Variants in CA10 observed in about 807,000 individuals in gnomAD.
CA10 encodes the protein carbonic anhydrase 10 (inactive), also known as carbonic anhydrase-related protein 10.
In CA10, 14 loss-of-function variants were observed where a neutral mutation model predicts 44.2. That is an observed-to-expected ratio of 0.32 (90% CI 0.21 to 0.50). The LOEUF (loss-of-function observed/expected upper bound fraction) is 0.50. CA10 is among the 20% of genes least tolerant of loss of function. The pLI, the probability that CA10 is intolerant of heterozygous loss-of-function variation, is 0.99. For synonymous variants in CA10, 159 were observed against 141.6 expected, an observed-to-expected ratio of 1.12 and a Z score of -0.87; for missense variants, 350 against 409.7, an observed-to-expected ratio of 0.85 and a Z score of 1.26.
intron 3 of CA10, among the ~76,000 whole-genome samples, chr17:51,930,001 G>T (rs995279439): frequency 6.6e-6 from 1 of 152,144 alleles, no homozygotes; most frequent in South Asian, 2.1e-4. Context: ...CATTAGGGGT[G>T]TGTGTATCTG....
intron 3 of CA10, among the ~76,000 whole-genome samples, chr17:51,881,879 A>T (rs61421035): frequency 0.11 from 16,424 of 152,170 alleles, 2,128 homozygotes; most frequent in African/African-American, 0.31. Context: ...ACTACAAGTT[A>T]GTGAGTTTTT....
At position 52,036,308 on chromosome 17, in the gene CA10, A is replaced by T. The variant is rs529687060; in HGVS notation, c.136+36011T>A. ...CTTGTTTATTTTAAAATAACATATA[A>T]AGTTACAACTGTATCCTGGGTGCTG... On this transcript the variant is annotated intron_variant, in intron 2 of 8. Coordinates refer to ENST00000451037, the MANE Select transcript of CA10 (RefSeq NM_020178.5). 2.0e-4 allele frequency among the ~76,000 whole-genome samples: 31 copies of T among 152,328 alleles called. 1 individual carries two copies. Among genetic ancestry groups the T allele is most frequent in the African/African-American group, 5.8e-4 (24 of 41,572 alleles).
At chr17:52,158,880 C>G (rs1989880878), upstream of CA10, among the ~76,000 whole-genome samples, 1 of 152,086 alleles carries the variant, frequency 6.6e-6, no homozygotes, top group Non-Finnish European at 1.5e-5. Context: ...GCCCGGCACC[C>G]GGGGGCGGAG....
intron 2 of CA10, among the ~76,000 whole-genome samples, chr17:51,974,274 C>T (rs547823558): frequency 6.6e-6 from 1 of 151,364 alleles, no homozygotes; most frequent in African/African-American, 2.4e-5. Flanking sequence ...ATCCCAGCTA[C>T]TTGGGAGGCT....
At chr17:51,802,900 C>T (rs1167866551) in intron 3 of CA10, among the ~76,000 whole-genome samples, 1 of 152,142 alleles carries the variant, frequency 6.6e-6, no homozygotes, top group East Asian at 1.9e-4. Context: ...TTTAAGTGCC[C>T]CATTTCTTTC....
intron 6 of CA10, among the ~76,000 whole-genome samples, chr17:51,646,674 T>G (rs565694865): frequency 6.6e-6 from 1 of 152,292 alleles, no homozygotes; most frequent in East Asian, 1.9e-4. Context: ...CCACTGGCTG[T>G]GTTCTAGTGA....
intron 1 of CA10, among the ~76,000 whole-genome samples, chr17:52,103,035 T>C (rs543226547): frequency 1.3e-4 from 20 of 152,098 alleles, no homozygotes; most frequent in Non-Finnish European, 2.2e-4. Flanking sequence ...TGTCCTTGGG[T>C]TTACACTTTT....
At chr17:52,017,930 C>A (rs1207254053) in intron 2 of CA10, among the ~76,000 whole-genome samples, 1 of 152,162 alleles carries the variant, frequency 6.6e-6, no homozygotes, top group Non-Finnish European at 1.5e-5. Context: ...CTCCCCACTT[C>A]CTGGCTGCGG....
At chr17:52,097,961 G>A (rs75616202) in intron 1 of CA10, among the ~76,000 whole-genome samples, 2,908 of 152,120 alleles carry the variant, frequency 0.019, 89 homozygotes, top group African/African-American at 0.064. Flanking sequence ...TCTTTCCCCC[G>A]TCACCTGGCC....
At chr17:51,866,682 G>T (rs780933547) in intron 3 of CA10, among the ~76,000 whole-genome samples, 1 of 152,120 alleles carries the variant, frequency 6.6e-6, no homozygotes, top group Non-Finnish European at 1.5e-5. Flanking sequence ...AGGTGACAGG[G>T]CTTCCTTACC....
chr17:51,680,691 A>C (rs551145582), intron 4 of CA10, among the ~76,000 whole-genome samples: 1 of 152,310 alleles, frequency 6.6e-6, no homozygotes, highest in Non-Finnish European at 1.5e-5. Flanking sequence ...GATGCAGAAG[A>C]CTATAGTTCT....
At chr17:51,762,044 A>G (rs965008312) in intron 3 of CA10, 4 of 152,242 alleles carry the variant, frequency 2.6e-5, no homozygotes, top group Non-Finnish European at 5.9e-5. Flanking sequence ...TATCACTACC[A>G]TCTACAGAGC....
chr17:52,138,631 T>A (rs1989410332), intron 1 of CA10, among the ~76,000 whole-genome samples: 1 of 152,098 alleles, frequency 6.6e-6, no homozygotes, highest in Admixed American at 6.5e-5. Context: ...TCTGGTGAGG[T>A]TGGTAGCAGC....
intron 4 of CA10, among the ~76,000 whole-genome samples, chr17:51,667,943 G>A (rs1215658605): frequency 6.6e-6 from 1 of 152,212 alleles, no homozygotes; most frequent in African/African-American, 2.4e-5. Flanking sequence ...GTGTGTATGT[G>A]AGAGCACTGT....
chr17:51,710,921 CTTTTTTTTTTTTTT>C (rs55854155), intron 4 of CA10, among the ~76,000 whole-genome samples: 1 of 84,472 alleles, frequency 1.2e-5, no homozygotes, highest in African/African-American at 4.7e-5. Context: ...CAACATTTTG[CTTTTTTTTTTTTTT>C]TTTTTTTTTG....
chr17:52,122,187 G>C (rs1214512983), intron 1 of CA10, among the ~76,000 whole-genome samples: 1 of 152,168 alleles, frequency 6.6e-6, no homozygotes, highest in Non-Finnish European at 1.5e-5. Context: ...ATGGAAGTTA[G>C]GCAGGTAAGG....
rs550214049 is a variant in CA10, at chr17:52,051,867, C to T, written c.136+20452G>A. ...AGAACTAGTCACAATAGCAAAGACA[C>T]GGAATCAACCTAAATGCCCATCAAT... On this transcript the variant is annotated intron_variant, in intron 2 of 8. Coordinates refer to ENST00000451037, the MANE Select transcript of CA10 (RefSeq NM_020178.5). Among the ~76,000 whole-genome samples the T allele has an allele frequency of 5.3e-5, 8 of 151,968 alleles. No individual in the cohort carries two copies. In the East Asian group the frequency reaches 9.7e-4, roughly 18 times the overall value.
intron 3 of CA10, among the ~76,000 whole-genome samples, chr17:51,916,920 A>G (rs1982022775): frequency 6.6e-6 from 1 of 152,122 alleles, no homozygotes; most frequent in African/African-American, 2.4e-5. Context: ...CGATATGAAT[A>G]TTTGTAACTA....
At chr17:52,107,083 G>A (rs539880573) in intron 1 of CA10, among the ~76,000 whole-genome samples, 13 of 152,282 alleles carry the variant, frequency 8.5e-5, no homozygotes, top group African/African-American at 3.1e-4. Flanking sequence ...CCAGGAGCCA[G>A]AAGATCTGAG....
Sources: allele counts gnomAD v4.1 joint callset (sites outside exome capture counted in the v4.1 genomes callset), GRCh38; gene constraint gnomAD v4.1.1; transcripts MANE v1.5; gene names NCBI Gene and HGNC (gene_info 2026-07-23, HGNC 2026-07-21).